The following SMIM35 variants were observed in gnomAD, a reference collection of about 807,000 sequenced individuals.
The protein encoded by SMIM35 is TMPRSS4 antisense RNA 1 (non-protein coding).
intron 1 of SMIM35, among the ~76,000 whole-genome samples, chr11:118,070,001 C>T (rs1336042817): frequency 1.3e-5 from 2 of 152,070 alleles, no homozygotes; most frequent in East Asian, 3.9e-4. Context: ...GCGGAGGTTG[C>T]AGTGAGTCGA....
intron 1 of SMIM35, among the ~76,000 whole-genome samples, chr11:118,032,981 T>C (rs1487385660): frequency 6.6e-6 from 1 of 152,202 alleles, no homozygotes; most frequent in African/African-American, 2.4e-5. Context: ...TTTTCTTATT[T>C]TTTTACATTC....
At chr11:118,063,621 C>G (rs919413398) in intron 1 of SMIM35, among the ~76,000 whole-genome samples, 1 of 152,158 alleles carries the variant, frequency 6.6e-6, no homozygotes, top group Non-Finnish European at 1.5e-5. Context: ...CCAGAAAGCC[C>G]AAGGCAGGAT....
intron 1 of SMIM35, among the ~76,000 whole-genome samples, chr11:118,071,267 G>A (rs577351753): frequency 2.6e-5 from 4 of 152,354 alleles, no homozygotes; most frequent in Non-Finnish European, 2.9e-5. Flanking sequence ...GAACAGAGGT[G>A]ACTAGGGCTC....
At chr11:118,069,762 A>C (rs1944541066) in intron 1 of SMIM35, among the ~76,000 whole-genome samples, 1 of 152,202 alleles carries the variant, frequency 6.6e-6, no homozygotes, top group South Asian at 2.1e-4. Context: ...ATAAAAGGAT[A>C]GAAAGAAGTT....
chr11:118,028,048 C>T (rs2058288751), intron 1 of SMIM35, among the ~76,000 whole-genome samples: 1 of 152,230 alleles, frequency 6.6e-6, no homozygotes, highest in Non-Finnish European at 1.5e-5. Context: ...TTTACATCCC[C>T]TTTTCCTCCC....
At chr11:118,056,239 G>A (rs187571423) in intron 1 of SMIM35, among the ~76,000 whole-genome samples, 88 of 152,246 alleles carry the variant, frequency 5.8e-4, no homozygotes, top group Middle Eastern at 3.4e-3. Flanking sequence ...AGGCTAAGGC[G>A]GCCCTCCAGG....
At chr11:118,034,980 T>C (rs1591288849) in intron 1 of SMIM35, among the ~76,000 whole-genome samples, 1 of 150,482 alleles carries the variant, frequency 6.6e-6, no homozygotes, top group East Asian at 2.0e-4. Context: ...TTGACAGAGT[T>C]TCACTCTGTC....
chr11:118,055,217 G>A (rs1944290241), intron 1 of SMIM35, among the ~76,000 whole-genome samples: 1 of 152,190 alleles, frequency 6.6e-6, no homozygotes, highest in African/African-American at 2.4e-5. Context: ...TCTCTGGTAT[G>A]ACATTCCTGT....
At chr11:118,033,238 C>A (rs374115571) in intron 1 of SMIM35, among the ~76,000 whole-genome samples, 11 of 152,174 alleles carry the variant, frequency 7.2e-5, no homozygotes, top group African/African-American at 2.7e-4. Flanking sequence ...AACACATAGA[C>A]AGACTTCAAA....
In SMIM35 at chr11:118,063,478, G is replaced by A. The variant is rs1199374459; in HGVS notation, c.7+23273C>T. 4.6e-5 allele frequency among the ~76,000 whole-genome samples: 7 copies of A among 152,050 alleles called. No homozygotes were observed. In the East Asian group the frequency reaches 1.4e-3, roughly 29 times the overall value. ...TTGCCTATTGTGGTAAATATATTTG[G>A]TCCTCAGCCCCATTTCCTGGCATAC... On this transcript the variant is annotated intron_variant, in intron 1 of 4. Transcript: ENST00000689828.
intron 1 of SMIM35, among the ~76,000 whole-genome samples, chr11:118,065,669 G>T (rs1944462685): frequency 6.6e-6 from 1 of 152,012 alleles, no homozygotes; most frequent in South Asian, 2.1e-4. Flanking sequence ...ATTTACATAG[G>T]GTGTACACTA....
At chr11:118,085,243 A>G (rs1024565217) in intron 1 of SMIM35, among the ~76,000 whole-genome samples, 169 of 84,544 alleles carry the variant, frequency 2.0e-3, no homozygotes, top group Non-Finnish European at 3.7e-3. Context: ...TTTTTTTTTG[A>G]GACAGAGTCT....
At chr11:118,054,032 A>G (rs1183672163) in intron 1 of SMIM35, among the ~76,000 whole-genome samples, 1 of 151,890 alleles carries the variant, frequency 6.6e-6, no homozygotes, top group African/African-American at 2.4e-5. Context: ...TTTCAGCATG[A>G]TTTTTTACAA....
intron 1 of SMIM35, among the ~76,000 whole-genome samples, chr11:118,052,578 G>A (rs1944234208): frequency 6.6e-6 from 1 of 152,008 alleles, no homozygotes; most frequent in African/African-American, 2.4e-5. Context: ...CAGAACCTGA[G>A]TCTGCCCTGG....
chr11:118,063,859 C>T (rs893795287), intron 1 of SMIM35, among the ~76,000 whole-genome samples: 3 of 152,230 alleles, frequency 2.0e-5, no homozygotes, highest in Admixed American at 6.5e-5. Flanking sequence ...TCTCACCCTA[C>T]GTATCTCTTC....
intron 1 of SMIM35, among the ~76,000 whole-genome samples, chr11:118,033,930 A>G (rs1432310987): frequency 6.6e-6 from 1 of 152,214 alleles, no homozygotes; most frequent in Non-Finnish European, 1.5e-5. Context: ...TGTCTATGAA[A>G]TGGAAATAAT....
At position 118,015,693 on chromosome 11, in the gene SMIM35, C is replaced by G; in HGVS notation, c.124G>C (p.Gly42Arg). Residue 42 changes from glycine to arginine, a missense_variant and splice_region_variant, in exon 2 of 5, where the codon GGG becomes CGG. By Grantham distance (125) the Gly-to-Arg change is moderately radical (BLOSUM62 -2). Coordinates refer to ENST00000689828, the MANE Select transcript of SMIM35 (RefSeq NM_001394165.1). ...KWYQRGYCWEGPNFVFNLYQI... is the reference protein window; with the variant it reads ...KWYQRGYCWERPNFVFNLYQI... ...GCTACAGGGCCCAGTGCACACTCAC[C>G]CTCCCAGCAGTACCCGCGCTGGTAC... 1 of 399,282 alleles carries G rather than the reference C, an allele frequency of 2.5e-6. No individual in the cohort carries two copies. The highest frequency in any genetic ancestry group is 4.4e-6 in the Non-Finnish European group (1 of 226,246). 24.7% of individuals were successfully genotyped at this position (399,282 alleles called of 1,614,324 possible). A position where few individuals can be genotyped will look rare whatever the true frequency, so the allele number is the denominator to read the frequency against.
At chr11:118,083,916 T>C (rs1945342519) in intron 1 of SMIM35, among the ~76,000 whole-genome samples, 2 of 152,010 alleles carry the variant, frequency 1.3e-5, no homozygotes, top group Admixed American at 1.3e-4. Flanking sequence ...CAGACGCCTG[T>C]AATCCCAGCT....
At chr11:118,051,194 G>A (rs1254023582) in intron 1 of SMIM35, among the ~76,000 whole-genome samples, 1 of 152,186 alleles carries the variant, frequency 6.6e-6, no homozygotes, top group Non-Finnish European at 1.5e-5. Context: ...TTGTACAGAC[G>A]ATGCTATGCC....
Sources: gnomAD v4.1 joint callset for allele counts (sites outside exome capture counted in the v4.1 genomes callset) on GRCh38, gnomAD v4.1.1 for gene constraint, MANE v1.5 for transcripts, NCBI Gene and HGNC (gene_info 2026-07-23, HGNC 2026-07-21) for gene names.